Variants in TACR1 observed in about 807,000 individuals in gnomAD.
The protein encoded by TACR1 is substance-P receptor.
In TACR1, 25 loss-of-function variants were observed where a neutral mutation model predicts 35.8. That is an observed-to-expected ratio of 0.70 (90% CI 0.51 to 0.98). TACR1 has a LOEUF of 0.98. Ranked by LOEUF, TACR1 falls within the 50% of genes least tolerant of loss-of-function variation. The probability of loss-of-function intolerance (pLI) is 0.00; values close to 1 mark genes in which losing one functional copy is unlikely to be tolerated. For missense variants in TACR1, 478 were observed against 522.9 expected (o/e 0.91, Z 0.84); for synonymous variants, 195 against 206.7 (o/e 0.94, Z 0.48).
chr2:75,126,489 G>T (rs1460506768), intron 1 of TACR1, among the ~76,000 whole-genome samples: 1 of 152,094 alleles, frequency 6.6e-6, no homozygotes. Flanking sequence ...TCTGATTTTA[G>T]CTCTTCAAGG....
At chr2:75,186,214 A>C (rs1675692371) in intron 1 of TACR1, among the ~76,000 whole-genome samples, 1 of 152,002 alleles carries the variant, frequency 6.6e-6, no homozygotes, top group African/African-American at 2.4e-5. Flanking sequence ...TCTACTAAAA[A>C]TACAAAAATT....
intron 1 of TACR1, among the ~76,000 whole-genome samples, chr2:75,174,336 A>T (rs530813114): frequency 6.6e-6 from 1 of 152,174 alleles, no homozygotes; most frequent in African/African-American, 2.4e-5. Context: ...GAAACCATGG[A>T]TGGTACTGAA....
intron 1 of TACR1, among the ~76,000 whole-genome samples, chr2:75,167,072 G>C (rs1303385251): frequency 2.0e-5 from 3 of 151,842 alleles, no homozygotes; most frequent in Non-Finnish European, 4.4e-5. Flanking sequence ...TCCACACTTA[G>C]CAACAAAAAG....
intron 1 of TACR1, 78 bp from the exon 2 acceptor site, chr2:75,120,846 A>G (rs1456298554): frequency 5.0e-6 from 6 of 1,209,274 alleles, no homozygotes; most frequent in South Asian, 1.9e-5. Flanking sequence ...TTTCCTGCCA[A>G]TAAGAAAATT....
chr2:75,071,098 C>T (rs556416640), intron 2 of TACR1, among the ~76,000 whole-genome samples: 4 of 152,298 alleles, frequency 2.6e-5, no homozygotes, highest in Middle Eastern at 3.4e-3. Flanking sequence ...TGGCTGTTTT[C>T]GTGCTCTGGT....
intron 2 of TACR1, among the ~76,000 whole-genome samples, chr2:75,114,819 G>T (rs1286345096): frequency 6.6e-6 from 1 of 152,076 alleles, no homozygotes; most frequent in Non-Finnish European, 1.5e-5. Context: ...ATTATTGCAG[G>T]ACTTAATTAC....
intron 1 of TACR1, among the ~76,000 whole-genome samples, chr2:75,178,209 G>A (rs1477146781): frequency 6.7e-6 from 1 of 150,060 alleles, no homozygotes; most frequent in Non-Finnish European, 1.5e-5. Context: ...TTGAGACAGA[G>A]TTTCGCTCTT....
intron 1 of TACR1, among the ~76,000 whole-genome samples, chr2:75,138,655 C>T (rs1344257374): frequency 6.6e-6 from 1 of 152,024 alleles, no homozygotes; most frequent in Admixed American, 6.5e-5. Context: ...GCTGGGTGGT[C>T]GTCATGTCAA....
At chr2:75,052,224 C>T (rs1672483409) in intron 3 of TACR1, among the ~76,000 whole-genome samples, 1 of 152,064 alleles carries the variant, frequency 6.6e-6, no homozygotes, top group Non-Finnish European at 1.5e-5. Flanking sequence ...AATTAGTGCC[C>T]TTATAAAATA....
intron 1 of TACR1, among the ~76,000 whole-genome samples, chr2:75,153,817 C>A (rs1313478557): frequency 6.6e-6 from 1 of 152,188 alleles, no homozygotes; most frequent in Non-Finnish European, 1.5e-5. Context: ...GGATTTAATT[C>A]CTCACGTATC....
intron 1 of TACR1, among the ~76,000 whole-genome samples, chr2:75,134,429 G>A (rs1416151713): frequency 6.6e-6 from 1 of 152,164 alleles, no homozygotes; most frequent in African/African-American, 2.4e-5. Context: ...TGTCTCTGGA[G>A]AAGGACACAC....
chr2:75,145,369 T>C (rs767985320), intron 1 of TACR1, among the ~76,000 whole-genome samples: 8 of 152,178 alleles, frequency 5.3e-5, no homozygotes, highest in Non-Finnish European at 8.8e-5. Context: ...AACATTGTTC[T>C]AGGAATGCGA....
intron 2 of TACR1, among the ~76,000 whole-genome samples, chr2:75,114,322 A>G (rs146435918): frequency 6.6e-6 from 1 of 152,348 alleles, no homozygotes; most frequent in Admixed American, 6.5e-5. Context: ...ATATTAATAA[A>G]TGACTCAGGG....
intron 1 of TACR1, chr2:75,154,502 ACACACACACACACACACACACACACT>A (rs1674785838): frequency 7.5e-6 from 1 of 133,884 alleles, no homozygotes; most frequent in Non-Finnish European, 1.6e-5. Flanking sequence ...ACACACACAC[ACACACACACACACACACACACACACT>A]CTCTGAAGAA....
At chr2:75,168,930 C>T (rs1037643684) in intron 1 of TACR1, among the ~76,000 whole-genome samples, 1 of 152,078 alleles carries the variant, frequency 6.6e-6, no homozygotes, top group Admixed American at 6.6e-5. Context: ...CCAAAATAAA[C>T]ACCTCTTCCC....
At position 75,146,713 on chromosome 2, in the gene TACR1, C is replaced by A. The variant is rs150842107; in HGVS notation, c.390-25945G>T. Among the ~76,000 whole-genome samples the A allele has an allele frequency of 7.2e-3, 1,093 of 152,266 alleles. 13 individuals are homozygous for A. The highest frequency in any genetic ancestry group is 0.025 in the African/African-American group (1,046 of 41,538). Reference sequence around the variant, plus strand: ...GTGAAGTCACCAAACCCTAATGAGTCTCAATTTCCTCATCTATAAAATAGA... The same window carrying A: ...GTGAAGTCACCAAACCCTAATGAGTATCAATTTCCTCATCTATAAAATAGA... On this transcript the variant is annotated intron_variant, in intron 1 of 4. Transcript: ENST00000305249.
At chr2:75,081,750 T>C (rs1195567260) in intron 2 of TACR1, among the ~76,000 whole-genome samples, 1 of 152,074 alleles carries the variant, frequency 6.6e-6, no homozygotes, top group Admixed American at 6.5e-5. Context: ...AGGTAAGGGA[T>C]AGAGATTTTA....
chr2:75,187,199 A>C (rs1302557413), intron 1 of TACR1: 1 of 152,406 alleles, frequency 6.6e-6, no homozygotes, highest in South Asian at 2.1e-4. Flanking sequence ...TCCAGGTTGT[A>C]AAGATATTAC....
intron 1 of TACR1, among the ~76,000 whole-genome samples, chr2:75,155,930 A>G (rs912499122): frequency 2.6e-5 from 4 of 152,250 alleles, no homozygotes; most frequent in Non-Finnish European, 5.9e-5. Flanking sequence ...ATTTTTTTAT[A>G]TGGCTTCTGA....
Sources: gnomAD v4.1 joint callset for allele counts (sites outside exome capture counted in the v4.1 genomes callset) on GRCh38, gnomAD v4.1.1 for gene constraint, MANE v1.5 for transcripts, NCBI Gene and HGNC (gene_info 2026-07-23, HGNC 2026-07-21) for gene names.